Variants in SEC61G observed in about 807,000 individuals in gnomAD.
SEC61G encodes the protein protein transport protein Sec61 subunit gamma.
SEC61G carries 4 observed loss-of-function variants against 7.5 expected under a neutral mutation model. That is an observed-to-expected ratio of 0.54 (90% CI 0.26 to 1.22). The LOEUF (loss-of-function observed/expected upper bound fraction) is 1.22. SEC61G is among the 50% of genes most tolerant of loss of function. The probability of loss-of-function intolerance (pLI) is 0.12; values close to 1 mark genes in which losing one functional copy is unlikely to be tolerated. For synonymous variants in SEC61G, 24 were observed against 24.4 expected, an observed-to-expected ratio of 0.98 and a Z score of 0.05; for missense variants, 53 against 84.6, an observed-to-expected ratio of 0.63 and a Z score of 1.46.
Position 54,757,558 on chromosome 7 carries a change from T to G in SEC61G, c.31A>C (p.Ser11Arg). The G allele has an allele frequency of 6.2e-7, 1 of 1,614,170 alleles. No individual in the cohort carries two copies. The highest frequency in any genetic ancestry group is 8.5e-7 in the Non-Finnish European group (1 of 1,180,008). MDQVMQFVEP[S>R]RQFVKDSIRL... ...ATGGAGTCCTTTACAAACTGCCGAC[T>G]TGGCTCAACAAACTGCATTACCTGA... is the stretch of plus-strand genomic sequence containing the variant. Residue 11 changes from serine to arginine, a missense_variant, in exon 2 of 4, where the codon AGT becomes CGT. Coordinates refer to ENST00000352861, the MANE Select transcript of SEC61G (RefSeq NM_014302.4).
chr7:54,752,323 T>C lies in SEC61G; in HGVS notation c.*88A>G, dbSNP rs1355387118. On this transcript the variant is annotated 3_prime_UTR_variant, in exon 4 of 4. Coordinates refer to ENST00000352861, the MANE Select transcript of SEC61G (RefSeq NM_014302.4). Reference sequence around the variant, plus strand: ...AGGAAAAAAAAAAACCCACAAAACATACAGGCAAATTTGTATTCTGTGAGT... The same window carrying C: ...AGGAAAAAAAAAAACCCACAAAACACACAGGCAAATTTGTATTCTGTGAGT... The C allele has an allele frequency of 1.2e-6, 1 of 848,702 alleles. No individual in the cohort carries two copies. The highest frequency in any genetic ancestry group is 1.8e-6 in the Non-Finnish European group (1 of 556,458). The allele number at this position is 848,702 out of a possible 1,614,324, so 52.6% of individuals were successfully genotyped here. A position where few individuals can be genotyped will look rare whatever the true frequency, so the allele number is the denominator to read the frequency against.
At chr7:54,757,916 T>C (rs554403269) in intron 1 of SEC61G, among the ~76,000 whole-genome samples, 1 of 152,336 alleles carries the variant, frequency 6.6e-6, no homozygotes, top group East Asian at 1.9e-4. Context: ...AACACATCCA[T>C]TCCTTTTCTC....
At position 54,754,189 on chromosome 7, in the gene SEC61G, T is replaced by C. The variant is rs141684859; in HGVS notation, c.197+1590A>G. ...GGAAAAAATTTGAAAGGTGCTTGTA[T>C]ACCAAAAAATTGGAAAAGGTGGGCT... is the stretch of plus-strand genomic sequence containing the variant. On this transcript the variant is annotated intron_variant, in intron 3 of 3. Transcript: ENST00000352861. Among the ~76,000 whole-genome samples the C allele has an allele frequency of 2.6e-5, 4 of 152,298 alleles. No individual in the cohort carries two copies. In the East Asian group the frequency reaches 7.7e-4, roughly 29 times the overall value.
intron 1 of SEC61G, 108 bp downstream of exon 1, chr7:54,759,050 G>A: frequency 2.5e-6 from 1 of 402,428 alleles, no homozygotes; most frequent in Non-Finnish European, 5.1e-6. Context: ...CCCGCCCCGC[G>A]ACGGCCGCCC....
chr7:54,752,833 C>T (rs191445006), intron 3 of SEC61G, among the ~76,000 whole-genome samples: 2 of 152,338 alleles, frequency 1.3e-5, no homozygotes, highest in Admixed American at 6.5e-5. Context: ...AGCACTGCAT[C>T]TTACCATAAT....
intron 3 of SEC61G, among the ~76,000 whole-genome samples, chr7:54,754,179 G>C (rs1791464039): frequency 1.3e-5 from 2 of 152,128 alleles, no homozygotes; most frequent in South Asian, 4.1e-4. Context: ...AAATTTGAAA[G>C]GTGCTTGTAT....
intron 2 of SEC61G, 21 bp from the exon 3 acceptor site, chr7:54,755,902 T>C: frequency 6.7e-7 from 1 of 1,495,684 alleles, no homozygotes; most frequent in Non-Finnish European, 9.1e-7. Flanking sequence ...AAACAGGAAA[T>C]TCACATATTT....
rs540718704 is a variant in SEC61G at position 54,759,184 on chromosome 7, G to C, written c.-33C>G. On this transcript the variant is annotated 5_prime_UTR_variant, in exon 1 of 4. Coordinates refer to ENST00000352861, the MANE Select transcript of SEC61G (RefSeq NM_014302.4). The stretch of plus-strand genomic sequence containing the variant: ...TACCCAACCGACACCTAAAATGCCA[G>C]GGACACGTAGCACTGGAGCTTGCTG... The C allele has an allele frequency of 2.7e-5, 14 of 518,950 alleles. No homozygotes were observed. The highest frequency in any genetic ancestry group is 5.0e-5 in the Non-Finnish European group (13 of 259,870). The allele number at this position is 518,950 out of a possible 1,614,324, so 32.1% of individuals were successfully genotyped here.
intron 2 of SEC61G, among the ~76,000 whole-genome samples, chr7:54,757,121 T>C (rs951100345): frequency 5.9e-5 from 9 of 151,910 alleles, no homozygotes; most frequent in African/African-American, 2.2e-4. Context: ...ATTAACTTTC[T>C]AGTTTGGCAA....
intron 1 of SEC61G, among the ~76,000 whole-genome samples, chr7:54,758,053 C>A (rs1177552510): frequency 6.6e-6 from 1 of 152,172 alleles, no homozygotes. Flanking sequence ...GTGTCTTGTA[C>A]AGTGAATGCC....
At chr7:54,755,530 G>T in intron 3 of SEC61G, 1 of 277,716 alleles carries the variant, frequency 3.6e-6, no homozygotes, top group Non-Finnish European at 6.6e-6. Context: ...ACATATGAGT[G>T]TCTTTAATAC....
At chr7:54,757,851 C>T (rs886802173) in intron 1 of SEC61G, among the ~76,000 whole-genome samples, 1 of 152,174 alleles carries the variant, frequency 6.6e-6, no homozygotes, top group African/African-American at 2.4e-5. Flanking sequence ...GAACAGCACA[C>T]GCAATATAAA....
rs1387058524 is a variant in SEC61G at position 54,759,157 on chromosome 7, C to A, written c.-7+1G>T. On this transcript the variant is annotated splice_donor_variant, in intron 1 of 3. Coordinates refer to ENST00000352861, the MANE Select transcript of SEC61G (RefSeq NM_014302.4). LOFTEE classifies it low-confidence loss of function (5UTR_SPLICE). Reference sequence around the variant, plus strand: ...GTACCGACCGGTGGGAAGAAACTCACCTACCCAACCGACACCTAAAATGCC... The same window carrying A: ...GTACCGACCGGTGGGAAGAAACTCAACTACCCAACCGACACCTAAAATGCC... The A allele has an allele frequency of 1.9e-6, 1 of 518,844 alleles. No individual in the cohort carries two copies. Among genetic ancestry groups the A allele is most frequent in the Non-Finnish European group, 3.8e-6 (1 of 259,806 alleles). The allele number at this position is 518,844 out of a possible 1,614,324, so 32.1% of individuals were successfully genotyped here.
chr7:54,754,357 C>T (rs1302190506), intron 3 of SEC61G, among the ~76,000 whole-genome samples: 6 of 152,096 alleles, frequency 3.9e-5, no homozygotes, highest in African/African-American at 1.4e-4. Flanking sequence ...GCAGAGGCAC[C>T]GAGTATGAAA....
intron 3 of SEC61G, among the ~76,000 whole-genome samples, chr7:54,754,450 G>C (rs1791470072): frequency 1.3e-5 from 2 of 152,204 alleles, no homozygotes; most frequent in African/African-American, 4.8e-5. Flanking sequence ...TGATTCCACA[G>C]TTCTACAGTT....
intron 2 of SEC61G, among the ~76,000 whole-genome samples, chr7:54,756,974 C>CTATATACTA (rs1791531831): frequency 1.0e-5 from 1 of 96,852 alleles, no homozygotes; most frequent in Non-Finnish European, 2.6e-5. Flanking sequence ...ACTATATATA[C>CTATATACTA]TATATACTAT....
At position 54,757,483 on chromosome 7, in the gene SEC61G, T is replaced by C. The variant is rs369960238; in HGVS notation, c.94+12A>G. 1.1e-5 allele frequency: 17 copies of C among 1,606,032 alleles called. No homozygotes were observed. Among genetic ancestry groups the C allele is most frequent in the African/African-American group, 2.7e-5 (2 of 74,766 alleles). On this transcript the variant is annotated intron_variant, in intron 2 of 3. Coordinates refer to ENST00000352861, the MANE Select transcript of SEC61G (RefSeq NM_014302.4). ...AAAGATTTAATTTTTTCTCTCATAG[T>C]CAAGCAATTACCTTTTCTATCAGGT...
intron 3 of SEC61G, among the ~76,000 whole-genome samples, chr7:54,754,419 T>C (rs1007363658): frequency 6.6e-6 from 1 of 152,216 alleles, no homozygotes; most frequent in South Asian, 2.1e-4. Context: ...ATTTCCTCAT[T>C]CTACTTCAGT....
In SEC61G at chr7:54,759,191, G is replaced by A. The variant is rs765576969; in HGVS notation, c.-40C>T. On this transcript the variant is annotated 5_prime_UTR_variant, in exon 1 of 4. It adds an upstream start codon to the 5' untranslated region. Coordinates refer to ENST00000352861, the MANE Select transcript of SEC61G (RefSeq NM_014302.4). ...CCGACACCTAAAATGCCAGGGACAC[G>A]TAGCACTGGAGCTTGCTGATGGAGG... 5 of 519,044 alleles carry A rather than the reference G, an allele frequency of 9.6e-6. No homozygotes were observed. Among genetic ancestry groups the A allele is most frequent in the Admixed American group, 5.8e-5 (3 of 51,608 alleles). 32.2% of individuals were successfully genotyped at this position (519,044 alleles called of 1,614,324 possible).
Sources: gnomAD v4.1 joint callset for allele counts (sites outside exome capture counted in the v4.1 genomes callset) on GRCh38, gnomAD v4.1.1 for gene constraint, MANE v1.5 for transcripts, NCBI Gene and HGNC (gene_info 2026-07-23, HGNC 2026-07-21) for gene names.